The following CCDC28A variants were observed in gnomAD, a reference collection of about 807,000 sequenced individuals.
The protein encoded by CCDC28A is coiled-coil domain containing 28A.
A neutral mutation model predicts 22.1 loss-of-function variants in CCDC28A; 24 were observed. That is an observed-to-expected ratio of 1.09 (90% CI 0.79 to 1.53). CCDC28A has a LOEUF of 1.53. Among genes scored for constraint, CCDC28A ranks in the 40% most tolerant of loss-of-function variants. CCDC28A has a pLI of 0.00. For synonymous variants in CCDC28A, 83 were observed against 74.7 expected, an observed-to-expected ratio of 1.11 and a Z score of -0.57; for missense variants, 170 against 210.7, an observed-to-expected ratio of 0.81 and a Z score of 1.20.
chr6:138,775,380 T>C (rs1056840111), intron 1 of CCDC28A, among the ~76,000 whole-genome samples: 2 of 152,230 alleles, frequency 1.3e-5, no homozygotes, highest in East Asian at 1.9e-4. Context: ...TTTTTTGATA[T>C]GGGCAAAACT....
chr6:138,788,469 A>G (rs371370961), intron 5 of CCDC28A, 81 bp downstream of exon 5: 1 of 644,618 alleles, frequency 1.6e-6, no homozygotes, highest in Non-Finnish European at 2.5e-6. Flanking sequence ...TTTTAGAAAG[A>G]TGTGTTATTT....
chr6:138,788,768 T>G (rs1366808305), intron 5 of CCDC28A, among the ~76,000 whole-genome samples: 1 of 152,058 alleles, frequency 6.6e-6, no homozygotes, highest in African/African-American at 2.4e-5. Context: ...TGGAATTTTC[T>G]TGTTGTTTTC....
Position 138,792,798 on chromosome 6 carries a change from A to G in CCDC28A, c.550A>G (p.Ser184Gly). The G allele has an allele frequency of 6.2e-7, 1 of 1,606,228 alleles. No homozygotes were observed. Among genetic ancestry groups the G allele is most frequent in the Non-Finnish European group, 8.5e-7 (1 of 1,175,158 alleles). Residue 184 changes from serine to glycine, a missense_variant, in exon 6 of 6, where the codon AGC (serine) becomes GGC (glycine). Coordinates refer to ENST00000617445, the MANE Select transcript of CCDC28A (RefSeq NM_015439.3). ...ACAAGATGTTCCAAATACTTCTGCTAGCTAAAATGAAATGTAGTTTGCTTT... is the reference window on the plus strand; with the variant it reads ...ACAAGATGTTCCAAATACTTCTGCTGGCTAAAATGAAATGTAGTTTGCTTT... ...DAQDVPNTSA[S>G]
chr6:138,787,674 T>C (rs1775113208), intron 4 of CCDC28A, among the ~76,000 whole-genome samples: 1 of 152,162 alleles, frequency 6.6e-6, no homozygotes, highest in Non-Finnish European at 1.5e-5. Flanking sequence ...TTTTATAATC[T>C]GGTTTCATTC....
In CCDC28A at chr6:138,785,503, G is replaced by C. The variant is rs1775083329; in HGVS notation, c.477+122G>C. 6 of 672,284 alleles carry C rather than the reference G, an allele frequency of 8.9e-6. No homozygotes were observed. The South Asian group carries it at 1.1e-4, about 12-fold the overall frequency. The allele number at this position is 672,284 out of a possible 1,614,324, so 41.6% of individuals were successfully genotyped here. A position where few individuals can be genotyped will look rare whatever the true frequency, so the allele number is the denominator to read the frequency against. On this transcript the variant is annotated intron_variant, in intron 4 of 5. Transcript: ENST00000617445. Reference sequence around the variant, plus strand: ...GCTAGCGTATTCACAGTGTTGTGCCGATCGCTGTTGAATTGCGGAACACGT... The same window carrying C: ...GCTAGCGTATTCACAGTGTTGTGCCCATCGCTGTTGAATTGCGGAACACGT...
chr6:138,780,262 G>A (rs1562439173), intron 3 of CCDC28A, among the ~76,000 whole-genome samples: 1 of 152,164 alleles, frequency 6.6e-6, no homozygotes, highest in Admixed American at 6.5e-5. Context: ...AAATAAGAGG[G>A]ACAGTCTTGG....
At chr6:138,786,543 C>A (rs1049975916) in intron 4 of CCDC28A, among the ~76,000 whole-genome samples, 2 of 152,146 alleles carry the variant, frequency 1.3e-5, no homozygotes, top group African/African-American at 4.8e-5. Context: ...CCAATACTTT[C>A]ACTATTTCGA....
At chr6:138,777,271 C>T (rs762925784) in intron 2 of CCDC28A, among the ~76,000 whole-genome samples, 13 of 152,112 alleles carry the variant, frequency 8.5e-5, no homozygotes, top group Non-Finnish European at 1.6e-4. Flanking sequence ...CTCTCTTTGT[C>T]GAAACAGAAG....
At chr6:138,791,486 AT>A (rs1034491300) in intron 5 of CCDC28A, among the ~76,000 whole-genome samples, 2 of 151,808 alleles carry the variant, frequency 1.3e-5, no homozygotes, top group African/African-American at 4.8e-5. Flanking sequence ...ATTTTTTACC[AT>A]TTTTTTTAAA....
chr6:138,785,386 G>A lies in CCDC28A; in HGVS notation c.477+5G>A. On this transcript the variant is annotated splice_donor_5th_base_variant and intron_variant, in intron 4 of 5. Coordinates refer to ENST00000617445, the MANE Select transcript of CCDC28A (RefSeq NM_015439.3). ...CTGGATAGGCTTCTGTCAGATGTAA[G>A]TGTAATTCTTTTTCTTTGTTCTTTA... is the stretch of plus-strand genomic sequence containing the variant. The A allele has an allele frequency of 6.3e-6, 10 of 1,587,794 alleles. No homozygotes were observed. Among genetic ancestry groups the A allele is most frequent in the Non-Finnish European group, 8.5e-6 (10 of 1,170,902 alleles).
intron 5 of CCDC28A, among the ~76,000 whole-genome samples, chr6:138,791,035 A>T (rs1775161860): frequency 6.6e-6 from 1 of 152,164 alleles, no homozygotes; most frequent in South Asian, 2.1e-4. Flanking sequence ...AAAGAACATA[A>T]AATATCTCAA....
intron 2 of CCDC28A, among the ~76,000 whole-genome samples, 184 bp downstream of exon 2, chr6:138,776,462 G>T (rs1017659408): frequency 6.6e-6 from 1 of 152,056 alleles, no homozygotes; most frequent in African/African-American, 2.4e-5. Flanking sequence ...AATGCAAAAT[G>T]AATTATTGGT....
intron 4 of CCDC28A, 111 bp downstream of exon 4, chr6:138,785,492 A>T (rs1244524796): frequency 2.7e-6 from 2 of 749,524 alleles, no homozygotes; most frequent in Admixed American, 5.4e-5. Flanking sequence ...GCGTATTCAC[A>T]GTGTTGTGCC....
In CCDC28A at chr6:138,784,263, G is replaced by A. The variant is rs189172182; in HGVS notation, c.323-964G>A. On this transcript the variant is annotated intron_variant, in intron 3 of 5. Coordinates refer to ENST00000617445, the MANE Select transcript of CCDC28A (RefSeq NM_015439.3). ...TGGTAGTTGTCAAACTGGACATGATGAGATGGTGCTGTTTTGCTTCTACAT... is the reference window on the plus strand; with the variant it reads ...TGGTAGTTGTCAAACTGGACATGATAAGATGGTGCTGTTTTGCTTCTACAT... Among the ~76,000 whole-genome samples, 3 of 152,200 alleles carry A rather than the reference G, an allele frequency of 2.0e-5. No individual in the cohort carries two copies. The East Asian group carries it at 5.8e-4, about 29-fold the overall frequency.
At chr6:138,780,173 GT>G (rs556523737) in intron 3 of CCDC28A, among the ~76,000 whole-genome samples, 188 bp downstream of exon 3, 1,626 of 151,688 alleles carry the variant, frequency 0.011, 26 homozygotes, top group African/African-American at 0.037. Flanking sequence ...CTGGGAAAAA[GT>G]TTTTTTTTAA....
chr6:138,779,165 C>CA (rs1427999582), intron 2 of CCDC28A, among the ~76,000 whole-genome samples: 12 of 152,092 alleles, frequency 7.9e-5, no homozygotes, highest in African/African-American at 2.9e-4. Flanking sequence ...GATCAGGGAT[C>CA]ACAGAGATAG....
At chr6:138,787,375 C>T (rs1220356581) in intron 4 of CCDC28A, among the ~76,000 whole-genome samples, 4 of 152,158 alleles carry the variant, frequency 2.6e-5, no homozygotes, top group Non-Finnish European at 4.4e-5. Flanking sequence ...GACACCAGAT[C>T]TGCTGACTCC....
At chr6:138,789,041 C>T (rs1775133207) in intron 5 of CCDC28A, among the ~76,000 whole-genome samples, 1 of 151,966 alleles carries the variant, frequency 6.6e-6, no homozygotes, top group Non-Finnish European at 1.5e-5. Flanking sequence ...GCTTACATAG[C>T]TTGTGAAATG....
At chr6:138,774,744 G>A (rs1035630349) in intron 1 of CCDC28A, among the ~76,000 whole-genome samples, 11 of 152,200 alleles carry the variant, frequency 7.2e-5, no homozygotes, top group African/African-American at 2.7e-4. Flanking sequence ...GACAGCAATG[G>A]GTTTGAATCT....
Sources: gnomAD v4.1 joint callset for allele counts (sites outside exome capture counted in the v4.1 genomes callset) on GRCh38, gnomAD v4.1.1 for gene constraint, MANE v1.5 for transcripts, NCBI Gene and HGNC (gene_info 2026-07-23, HGNC 2026-07-21) for gene names.